Variants in FBXL17 observed in about 807,000 individuals in gnomAD.
FBXL17 encodes F-box and leucine rich repeat protein 17, also known as F-box/LRR-repeat protein 17.
FBXL17 carries 22 observed loss-of-function variants against 66.2 expected under a neutral mutation model. That is an observed-to-expected ratio of 0.33 (90% CI 0.24 to 0.47). The LOEUF (loss-of-function observed/expected upper bound fraction) is 0.47, where lower values mean the gene tolerates loss of function less well. FBXL17 is among the 20% of genes least tolerant of loss of function. The pLI is 1.00. For synonymous variants in FBXL17, 474 were observed against 400.5 expected (o/e 1.18, Z -2.19); for missense variants, 878 against 948.2 (o/e 0.93, Z 0.97).
intron 4 of FBXL17, among the ~76,000 whole-genome samples, chr5:108,255,646 G>C (rs1756545806): frequency 6.6e-6 from 1 of 152,140 alleles, no homozygotes; most frequent in South Asian, 2.1e-4. Flanking sequence ...ACATGATCTA[G>C]TTTCACTGCC....
At chr5:108,259,557 G>C (rs1756723433) in intron 4 of FBXL17, among the ~76,000 whole-genome samples, 1 of 151,944 alleles carries the variant, frequency 6.6e-6, no homozygotes, top group Non-Finnish European at 1.5e-5. Context: ...CACAGCCTCA[G>C]TTAGAAATGA....
At position 108,336,674 on chromosome 5, in the gene FBXL17, T is replaced by C. The variant is rs138500916; in HGVS notation, c.1506+11725A>G. On this transcript the variant is annotated intron_variant, in intron 4 of 8. Coordinates refer to ENST00000542267, the MANE Select transcript of FBXL17 (RefSeq NM_001163315.3). ...AAAGACATTAAGTTTCAAAATCCAC[T>C]TTTAAGAAATCATTTTCTAAAATCT... Among the ~76,000 whole-genome samples the C allele has an allele frequency of 1.2e-3, 189 of 152,264 alleles. 1 individual carries two copies. Among genetic ancestry groups the C allele is most frequent in the African/African-American group, 4.3e-3 (180 of 41,576 alleles).
chr5:108,056,007 G>A (rs115859446), intron 6 of FBXL17, among the ~76,000 whole-genome samples: 1 of 152,280 alleles, frequency 6.6e-6, no homozygotes, highest in African/African-American at 2.4e-5. Context: ...TGGCTTTGAT[G>A]TAATACATGG....
intron 6 of FBXL17, among the ~76,000 whole-genome samples, chr5:108,151,251 TA>T (rs1331566915): frequency 6.6e-6 from 1 of 151,950 alleles, no homozygotes; most frequent in African/African-American, 2.4e-5. Flanking sequence ...TTACATTCCA[TA>T]AAAAGAAAGA....
chr5:108,173,514 TTACAG>T (rs1752683290), intron 6 of FBXL17, among the ~76,000 whole-genome samples: 1 of 152,206 alleles, frequency 6.6e-6, no homozygotes, highest in African/African-American at 2.4e-5. Context: ...ATCAAATTTA[TTACAG>T]TAAAGAAATG....
At chr5:108,298,624 G>A in intron 4 of FBXL17, 3 of 924,540 alleles carry the variant, frequency 3.2e-6, no homozygotes, top group Non-Finnish European at 3.9e-6. Context: ...TAATAGCAAA[G>A]TTCTTGATCA....
chr5:107,944,151 T>A lies in FBXL17; in HGVS notation c.1823-62972A>T, dbSNP rs6863811. On this transcript the variant is annotated intron_variant, in intron 7 of 8. Transcript: ENST00000542267. ...TCTCAACAGTGAGATCCTCCCTACA[T>A]ACCTTATTTCCATATACTTTGTACA... 2.6e-3 allele frequency among the ~76,000 whole-genome samples: 401 copies of A among 152,344 alleles called. 5 individuals are homozygous for A. Among genetic ancestry groups the A allele is most frequent in the African/African-American group, 9.3e-3 (386 of 41,590 alleles).
At chr5:108,215,792 AT>A in intron 5 of FBXL17, among the ~76,000 whole-genome samples, 1 of 152,034 alleles carries the variant, frequency 6.6e-6, no homozygotes, top group South Asian at 2.1e-4. Flanking sequence ...GGTCATGAAG[AT>A]TTCTCCCATG....
chr5:108,133,298 G>T (rs932484320), intron 6 of FBXL17, among the ~76,000 whole-genome samples: 1 of 151,290 alleles, frequency 6.6e-6, no homozygotes, highest in African/African-American at 2.4e-5. Context: ...TTTCTTTCAG[G>T]GGTCTCCAAC....
chr5:108,288,724 T>G (rs1333781022), intron 4 of FBXL17, among the ~76,000 whole-genome samples: 2 of 151,938 alleles, frequency 1.3e-5, no homozygotes, highest in African/African-American at 4.8e-5. Context: ...GAAATTTGTG[T>G]GGGGGTAATA....
At position 108,009,304 on chromosome 5, in the gene FBXL17, T is replaced by TAGATAGATAGATAGATAGATAG. The variant is rs1165543412; in HGVS notation, c.1822+11620_1822+11621insCTATCTATCTATCTATCTATCT. ...ATATATATATATATATATATATACA[T>TAGATAGATAGATAGATAGATAG]ATATACATACACATATAGTTTTGCT... On this transcript the variant is annotated intron_variant, in intron 7 of 8. Transcript: ENST00000542267. Among the ~76,000 whole-genome samples, 151 of 19,550 alleles carry TAGATAGATAGATAGATAGATAG rather than the reference T, an allele frequency of 7.7e-3. 9 individuals are homozygous for TAGATAGATAGATAGATAGATAG. Among genetic ancestry groups the TAGATAGATAGATAGATAGATAG allele is most frequent in the Non-Finnish European group, 0.011 (94 of 8,444 alleles). The allele number at this position is 19,550 out of a possible 152,430, so 12.8% of individuals were successfully genotyped here.
intron 1 of FBXL17, among the ~76,000 whole-genome samples, chr5:108,370,969 G>T (rs1561560866): frequency 1.3e-5 from 2 of 151,316 alleles, no homozygotes; most frequent in East Asian, 3.9e-4. Context: ...AGTTTCCTGG[G>T]TTTTTTTTTC....
chr5:108,102,584 G>C (rs187186254), intron 6 of FBXL17, among the ~76,000 whole-genome samples: 28 of 152,146 alleles, frequency 1.8e-4, no homozygotes, highest in African/African-American at 6.3e-4. Context: ...CTCCATTTTA[G>C]CTTAGGCTAC....
intron 6 of FBXL17, among the ~76,000 whole-genome samples, chr5:108,125,849 C>T (rs1410212944): frequency 6.6e-6 from 1 of 152,012 alleles, no homozygotes; most frequent in African/African-American, 2.4e-5. Flanking sequence ...TATATCTAAA[C>T]CCCAAAAAGA....
chr5:108,268,656 A>G (rs919884603), intron 4 of FBXL17, among the ~76,000 whole-genome samples: 4 of 152,018 alleles, frequency 2.6e-5, no homozygotes, highest in Admixed American at 6.6e-5. Context: ...AAAGAAACGC[A>G]TTTTCTTTAA....
chr5:108,369,285 A>G (rs576487565), intron 1 of FBXL17, among the ~76,000 whole-genome samples: 42 of 152,306 alleles, frequency 2.8e-4, no homozygotes, highest in African/African-American at 9.1e-4. Flanking sequence ...CCTAGCTATA[A>G]CCCAGTAGCC....
At chr5:108,008,141 CA>C (rs1754009520) in intron 7 of FBXL17, among the ~76,000 whole-genome samples, 1 of 152,140 alleles carries the variant, frequency 6.6e-6, no homozygotes, top group Non-Finnish European at 1.5e-5. Context: ...GTACAAGCAT[CA>C]AAAGCTGTGA....
chr5:108,382,049 C>G lies in FBXL17; in HGVS notation c.-358G>C, dbSNP rs1274194836. 48 of 910,058 alleles carry G rather than the reference C, an allele frequency of 5.3e-5. No homozygotes were observed. The highest frequency in any genetic ancestry group is 6.2e-5 in the Non-Finnish European group (46 of 739,580). The allele number at this position is 910,058 out of a possible 1,614,324, so 56.4% of individuals were successfully genotyped here. On this transcript the variant is annotated 5_prime_UTR_variant, in exon 1 of 9. Coordinates refer to ENST00000542267, the MANE Select transcript of FBXL17 (RefSeq NM_001163315.3). ...GGCCGGGGAAAGGCCGGGTCCCGCT[C>G]GGACCATTTTAACTGCGGATCCGCC...
intron 6 of FBXL17, among the ~76,000 whole-genome samples, chr5:108,132,179 T>A (rs1338296926): frequency 6.6e-6 from 1 of 152,160 alleles, no homozygotes; most frequent in African/African-American, 2.4e-5. Flanking sequence ...TTTCTCCATG[T>A]TGGTCAGGCT....
Sources: gnomAD v4.1 joint callset for allele counts (sites outside exome capture counted in the v4.1 genomes callset) on GRCh38, gnomAD v4.1.1 for gene constraint, MANE v1.5 for transcripts, NCBI Gene and HGNC (gene_info 2026-07-23, HGNC 2026-07-21) for gene names.